The following SESTD1 variants were observed in gnomAD, a reference collection of about 807,000 sequenced individuals.
SESTD1 encodes SEC14 domain and spectrin repeat-containing protein 1.
SESTD1 carries 43 observed loss-of-function variants against 101.7 expected under a neutral mutation model. The observed-to-expected ratio is 0.42, with a 90% CI of 0.33 to 0.55. SESTD1 has a LOEUF of 0.55. Among genes scored for constraint, SESTD1 ranks in the 20% least tolerant of loss-of-function variants. SESTD1 has a pLI of 0.07. For missense variants in SESTD1, 647 were observed against 815.1 expected, an observed-to-expected ratio of 0.79 and a Z score of 2.51; for synonymous variants, 283 against 286.8, an observed-to-expected ratio of 0.99 and a Z score of 0.13.
At chr2:179,170,913 G>C (rs1200092106) in intron 5 of SESTD1, among the ~76,000 whole-genome samples, 3 of 152,206 alleles carry the variant, frequency 2.0e-5, no homozygotes, top group Non-Finnish European at 4.4e-5. Context: ...TGCACTTTGT[G>C]TATCACTTCA....
At position 179,172,152 on chromosome 2, in the gene SESTD1, A is replaced by G; in HGVS notation, c.337T>C (p.Phe113Leu). Residue 113 changes from phenylalanine (F) to leucine (L), a missense_variant, in exon 5 of 18, where the codon TTT becomes CTT. Physicochemically the swap from Phe to Leu is conservative, Grantham distance 22. This residue lies in a region of SESTD1 where 168 missense variants were observed against 235.1 expected (regional missense o/e 0.71). Coordinates refer to ENST00000428443, the MANE Select transcript of SESTD1 (RefSeq NM_178123.5). ...FWDKKVTHFC[F>L]WKEKDRLGFE... ...CCAAGTCTATCCTTCTCCTTCCAAA[A>G]ACAAAAATGCGTTACTTTCTTATCC... 1.9e-6 allele frequency: 3 copies of G among 1,610,258 alleles called. No homozygotes were observed. Among genetic ancestry groups the G allele is most frequent in the Non-Finnish European group, 2.5e-6 (3 of 1,177,602 alleles).
intron 1 of SESTD1, among the ~76,000 whole-genome samples, chr2:179,192,531 C>T (rs761277026): frequency 9.9e-5 from 15 of 152,148 alleles, no homozygotes; most frequent in Non-Finnish European, 2.2e-4. Context: ...ATTAGGCCAG[C>T]TCATCTTTTT....
In SESTD1 at chr2:179,201,054, A is replaced by G. The variant is rs531054385; in HGVS notation, c.-25-9188T>C. The stretch of plus-strand genomic sequence containing the variant: ...AAAGGGCTAATATCCAGAATCTACA[A>G]TGAACTCCAACAAATTTACAAGAAA... On this transcript the variant is annotated intron_variant, in intron 1 of 17. Transcript: ENST00000428443. Among the ~76,000 whole-genome samples, 239 of 134,612 alleles carry G rather than the reference A, an allele frequency of 1.8e-3. 47 individuals are homozygous for G. The highest frequency in any genetic ancestry group is 2.7e-3 in the Non-Finnish European group (171 of 62,710). 88.3% of individuals were successfully genotyped at this position (134,612 alleles called of 152,430 possible). A position where few individuals can be genotyped will look rare whatever the true frequency, so the allele number is the denominator to read the frequency against.
At chr2:179,215,416 T>C (rs1379914662) in intron 1 of SESTD1, among the ~76,000 whole-genome samples, 2 of 133,988 alleles carry the variant, frequency 1.5e-5, no homozygotes, top group South Asian at 2.8e-4. Context: ...CCGGGACACA[T>C]ACACCCTCCC....
chr2:179,194,596 A>G (rs75956719), intron 1 of SESTD1, among the ~76,000 whole-genome samples: 3,727 of 152,246 alleles, frequency 0.024, 146 homozygotes, highest in African/African-American at 0.081. Flanking sequence ...CCAAACCCCC[A>G]GGAGTCCGGC....
intron 15 of SESTD1, among the ~76,000 whole-genome samples, chr2:179,116,100 C>T (rs534635659): frequency 6.6e-6 from 1 of 151,916 alleles, no homozygotes; most frequent in Admixed American, 6.5e-5. Context: ...ATGGTGAAAC[C>T]CCATCTCTAC....
intron 1 of SESTD1, among the ~76,000 whole-genome samples, chr2:179,246,746 G>A (rs534496120): frequency 6.6e-6 from 1 of 152,264 alleles, no homozygotes; most frequent in South Asian, 2.1e-4. Flanking sequence ...AAATCATACA[G>A]AATCTCTTCT....
intron 3 of SESTD1, among the ~76,000 whole-genome samples, chr2:179,179,117 A>C (rs1402130529): frequency 1.3e-5 from 2 of 152,196 alleles, no homozygotes; most frequent in Non-Finnish European, 2.9e-5. Flanking sequence ...TTGAAAGGAA[A>C]TAGTTTTGTT....
intron 1 of SESTD1, among the ~76,000 whole-genome samples, chr2:179,252,428 TA>T (rs1250228845): frequency 6.6e-6 from 1 of 152,198 alleles, no homozygotes; most frequent in Non-Finnish European, 1.5e-5. Flanking sequence ...CAAGATCTAG[TA>T]AAAACTATAA....
intron 1 of SESTD1, among the ~76,000 whole-genome samples, chr2:179,233,256 T>C (rs530408135): frequency 1.3e-5 from 2 of 152,298 alleles, no homozygotes; most frequent in African/African-American, 4.8e-5. Context: ...TTGCTTTTTA[T>C]AGTGTTAAGG....
At chr2:179,229,749 T>TTATATATGTATATATATATATATA (rs2046950857) in intron 1 of SESTD1, among the ~76,000 whole-genome samples, 1 of 106,362 alleles carries the variant, frequency 9.4e-6, no homozygotes, top group African/African-American at 3.3e-5. Flanking sequence ...TTGTAAGAAC[T>TTATATATGTATATATATATATATA]TATATATATA....
intron 5 of SESTD1, among the ~76,000 whole-genome samples, chr2:179,170,945 C>T (rs2045920251): frequency 6.6e-6 from 1 of 152,148 alleles, no homozygotes; most frequent in Non-Finnish European, 1.5e-5. Context: ...CATCTATATT[C>T]TTTATATAAA....
At chr2:179,181,622 T>C (rs1430587805) in intron 3 of SESTD1, among the ~76,000 whole-genome samples, 1 of 152,170 alleles carries the variant, frequency 6.6e-6, no homozygotes, top group Non-Finnish European at 1.5e-5. Flanking sequence ...ATCCCAGCTG[T>C]GCGACTCACT....
intron 5 of SESTD1, among the ~76,000 whole-genome samples, chr2:179,157,550 A>G (rs1011986553): frequency 6.6e-6 from 1 of 152,138 alleles, no homozygotes; most frequent in African/African-American, 2.4e-5. Flanking sequence ...CATATTTAAA[A>G]TCGTAAGATG....
intron 1 of SESTD1, among the ~76,000 whole-genome samples, chr2:179,232,442 T>C (rs907015502): frequency 6.6e-6 from 1 of 151,992 alleles, no homozygotes; most frequent in Non-Finnish European, 1.5e-5. Context: ...AATCCTGGAA[T>C]TTTTTTAAGT....
chr2:179,122,432 T>C (rs541744240), intron 12 of SESTD1, among the ~76,000 whole-genome samples: 125 of 152,118 alleles, frequency 8.2e-4, no homozygotes, highest in Non-Finnish European at 1.3e-3. Context: ...TTCTATACCA[T>C]AGGAAGCAAC....
intron 1 of SESTD1, among the ~76,000 whole-genome samples, chr2:179,199,753 C>G (rs2046473629): frequency 6.6e-6 from 1 of 152,204 alleles, no homozygotes; most frequent in South Asian, 2.1e-4. Context: ...CAAAATTCAA[C>G]AACCCTTCAT....
intron 1 of SESTD1, among the ~76,000 whole-genome samples, chr2:179,237,303 T>C (rs1026900554): frequency 1.3e-5 from 2 of 152,186 alleles, no homozygotes; most frequent in African/African-American, 2.4e-5. Flanking sequence ...TCCTGTCTTC[T>C]TGTGTTTTAA....
chr2:179,252,467 T>C (rs2047332406), intron 1 of SESTD1, among the ~76,000 whole-genome samples: 1 of 152,206 alleles, frequency 6.6e-6, no homozygotes, highest in African/African-American at 2.4e-5. Flanking sequence ...CTGAGCTGCC[T>C]GTAAGCTCTC....
Sources: allele counts gnomAD v4.1 joint callset (sites outside exome capture counted in the v4.1 genomes callset), GRCh38; gene constraint gnomAD v4.1.1; regional missense constraint gnomAD v4.1.1; transcripts MANE v1.5; gene names NCBI Gene and HGNC (gene_info 2026-07-23, HGNC 2026-07-21).